The following ZNF143 variants were observed in gnomAD, a reference collection of about 807,000 sequenced individuals.
ZNF143 encodes the protein zinc finger protein 143, also known as SPH-binding factor.
ZNF143 carries 49 observed loss-of-function variants against 74.1 expected under a neutral mutation model. The observed-to-expected ratio is 0.66, with a 90% CI of 0.53 to 0.84. The LOEUF (loss-of-function observed/expected upper bound fraction) is 0.84. Ranked by LOEUF, ZNF143 falls within the 40% of genes least tolerant of loss-of-function variation. The probability of loss-of-function intolerance (pLI) is 0.00; values close to 1 mark genes in which losing one functional copy is unlikely to be tolerated. For missense variants in ZNF143, 637 were observed against 793.4 expected (o/e 0.80, Z 2.37); for synonymous variants, 304 against 282.8 (o/e 1.07, Z -0.75).
At chr11:9,465,638 T>C (rs1381422486) in intron 1 of ZNF143, among the ~76,000 whole-genome samples, 3 of 150,632 alleles carry the variant, frequency 2.0e-5, no homozygotes, top group Non-Finnish European at 4.4e-5. Flanking sequence ...TAGCTGGGAC[T>C]ATAGGCGCCC....
intron 5 of ZNF143, among the ~76,000 whole-genome samples, chr11:9,476,366 TTTAA>T (rs966492093): frequency 5.3e-5 from 8 of 152,224 alleles, no homozygotes; most frequent in South Asian, 2.1e-4. Flanking sequence ...AATATTTTAT[TTTAA>T]TTAATTAATT....
chr11:9,490,971 G>A (rs1192899534), intron 7 of ZNF143, among the ~76,000 whole-genome samples: 1 of 152,190 alleles, frequency 6.6e-6, no homozygotes, highest in Non-Finnish European at 1.5e-5. Context: ...GGGCTCACGC[G>A]ATCCTCCCAC....
chr11:9,467,866 A>AAT (rs11408663), intron 1 of ZNF143, among the ~76,000 whole-genome samples: 2 of 150,022 alleles, frequency 1.3e-5, no homozygotes, highest in East Asian at 4.0e-4. Flanking sequence ...AAAAAAAAAA[A>AAT]GTTGTCTGTC....
intron 1 of ZNF143, among the ~76,000 whole-genome samples, chr11:9,462,226 A>G (rs539786840): frequency 5.1e-4 from 77 of 150,612 alleles, no homozygotes; most frequent in African/African-American, 1.8e-3. Context: ...TGGAAATTCT[A>G]TGAGCAGTCA....
intron 7 of ZNF143, among the ~76,000 whole-genome samples, chr11:9,486,396 A>ATTATAT (rs1245802133): frequency 1.7e-4 from 2 of 11,916 alleles, no homozygotes; most frequent in African/African-American, 4.3e-4. Flanking sequence ...TAATATATAT[A>ATTATAT]ATATATTATA....
intron 8 of ZNF143, among the ~76,000 whole-genome samples, chr11:9,495,511 C>A (rs527516268): frequency 6.6e-6 from 1 of 152,182 alleles, no homozygotes; most frequent in Non-Finnish European, 1.5e-5. Context: ...ACAGAACATA[C>A]CATGACTCAA....
At position 9,491,819 on chromosome 11, in the gene ZNF143, T is replaced by C. The variant is rs141767611; in HGVS notation, c.646-2827T>C. On this transcript the variant is annotated intron_variant, in intron 7 of 15. Coordinates refer to ENST00000396602, the MANE Select transcript of ZNF143 (RefSeq NM_003442.6). ...TGATGTTTTTGCATTTTTGTAGAAA[T>C]GGGGTTTCACCATTTGCCCAGGCTA... Among the ~76,000 whole-genome samples, 53 of 152,256 alleles carry C rather than the reference T, an allele frequency of 3.5e-4. No individual in the cohort carries two copies. In the East Asian group the frequency reaches 0.01, roughly 29 times the overall value.
At chr11:9,471,570 G>A in intron 2 of ZNF143, 150 bp downstream of exon 2, 3 of 525,142 alleles carry the variant, frequency 5.7e-6, no homozygotes, top group East Asian at 3.5e-5. Context: ...TTTTTGAAAC[G>A]GGACGGAGTT....
intron 12 of ZNF143, among the ~76,000 whole-genome samples, chr11:9,510,188 G>C (rs1217285188): frequency 6.7e-6 from 1 of 150,032 alleles, no homozygotes; most frequent in Admixed American, 6.7e-5. Context: ...GCAGTGGTGC[G>C]ATCTCGGCTC....
chr11:9,502,338 G>A (rs1426152150), intron 11 of ZNF143, among the ~76,000 whole-genome samples: 4 of 145,802 alleles, frequency 2.7e-5, no homozygotes, highest in South Asian at 4.5e-4. Flanking sequence ...GGCCGGGCGC[G>A]GTGGCTCACG....
intron 3 of ZNF143, among the ~76,000 whole-genome samples, chr11:9,473,471 G>A (rs974789005): frequency 1.3e-5 from 2 of 151,792 alleles, no homozygotes; most frequent in African/African-American, 4.8e-5. Context: ...CCAGGAAACA[G>A]CCAAGTCCTC....
chr11:9,472,426 A>G (rs7933621), intron 2 of ZNF143, among the ~76,000 whole-genome samples: 91,758 of 151,716 alleles, frequency 0.6, 28,199 homozygotes, highest in Non-Finnish European at 0.66. Flanking sequence ...ACTAATTTTT[A>G]TATTTTTAGT....
At chr11:9,471,473 GA>G (rs903469547) in intron 2 of ZNF143, 53 bp downstream of exon 2, 27 of 1,355,560 alleles carry the variant, frequency 2.0e-5, no homozygotes, top group East Asian at 1.3e-4. Flanking sequence ...TATCTTAAAA[GA>G]AAAAAAATTT....
In ZNF143 at chr11:9,512,605, C is replaced by A; in HGVS notation, c.1524+9C>A. On this transcript the variant is annotated intron_variant, in intron 13 of 15. Transcript: ENST00000396602. ...AGGATGGGACTCAGCATGTAAGTAT[C>A]CACCAAAAGCCAAACAAATTAAATC... 9.3e-6 allele frequency: 15 copies of A among 1,612,748 alleles called. No individual in the cohort carries two copies. Among genetic ancestry groups the A allele is most frequent in the Non-Finnish European group, 1.3e-5 (15 of 1,178,948 alleles).
At chr11:9,482,663 T>C (rs1274060217) in intron 7 of ZNF143, among the ~76,000 whole-genome samples, 1 of 151,168 alleles carries the variant, frequency 6.6e-6, no homozygotes, top group Non-Finnish European at 1.5e-5. Flanking sequence ...ATTCTTTTTT[T>C]TTTTTTTTTA....
chr11:9,473,843 A>G (rs1856727824), intron 3 of ZNF143, 98 bp from the exon 4 acceptor site: 1 of 1,607,456 alleles, frequency 6.2e-7, no homozygotes, highest in Non-Finnish European at 8.5e-7. Flanking sequence ...ACACGAGCTT[A>G]AGTTGTGTAT....
chr11:9,512,183 C>G (rs1848574966), intron 12 of ZNF143, among the ~76,000 whole-genome samples: 1 of 152,116 alleles, frequency 6.6e-6, no homozygotes, highest in African/African-American at 2.4e-5. Flanking sequence ...ATTACTCCAA[C>G]TAAGAGAATA....
rs914038150 is a variant in ZNF143, at chr11:9,521,895, C to T, written c.1687-3345C>T. 7.9e-5 allele frequency among the ~76,000 whole-genome samples: 12 copies of T among 151,792 alleles called. No homozygotes were observed. The South Asian group carries it at 2.3e-3, about 29-fold the overall frequency. On this transcript the variant is annotated intron_variant, in intron 14 of 15. Coordinates refer to ENST00000396602, the MANE Select transcript of ZNF143 (RefSeq NM_003442.6). ...AACCCAGGGCAACATGGTGAAACCC[C>T]ATCTCTACTAAAAATACAAAATTAG...
chr11:9,489,537 A>G (rs1847690486), intron 7 of ZNF143, among the ~76,000 whole-genome samples: 1 of 152,202 alleles, frequency 6.6e-6, no homozygotes, highest in African/African-American at 2.4e-5. Flanking sequence ...GGCTTAACTA[A>G]ATTAGATGCC....
Sources: allele counts gnomAD v4.1 joint callset (sites outside exome capture counted in the v4.1 genomes callset), GRCh38; gene constraint gnomAD v4.1.1; transcripts MANE v1.5; gene names NCBI Gene and HGNC (gene_info 2026-07-23, HGNC 2026-07-21).